Variants in RAP1GDS1 observed in about 807,000 individuals in gnomAD.
RAP1GDS1 encodes RAP1, GTP-GDP dissociation stimulator 1.
In RAP1GDS1, 35 loss-of-function variants were observed where a neutral mutation model predicts 71.1. The observed-to-expected ratio is 0.49, with a 90% CI of 0.38 to 0.65. The LOEUF is 0.65. Among genes scored for constraint, RAP1GDS1 ranks in the 30% least tolerant of loss-of-function variants. The pLI is 0.00. For missense variants in RAP1GDS1, 663 were observed against 706.1 expected, an observed-to-expected ratio of 0.94 and a Z score of 0.69; for synonymous variants, 229 against 243.1, an observed-to-expected ratio of 0.94 and a Z score of 0.54.
intron 5 of RAP1GDS1, among the ~76,000 whole-genome samples, chr4:98,385,021 G>A (rs906925148): frequency 3.3e-5 from 5 of 151,510 alleles, no homozygotes; most frequent in Non-Finnish European, 7.4e-5. Flanking sequence ...TTTGCTTTAT[G>A]TCTGGATTGA....
At chr4:98,349,851 A>G (rs997708258) in intron 3 of RAP1GDS1, among the ~76,000 whole-genome samples, 1 of 151,624 alleles carries the variant, frequency 6.6e-6, no homozygotes. Flanking sequence ...TTTTTTTAAT[A>G]TATCTGCCTG....
At position 98,400,349 on chromosome 4, in the gene RAP1GDS1, T is replaced by TAC. The variant is rs1258406721; in HGVS notation, c.638-4127_638-4126insCA. ...AGAGGTAAAATGTGATGTATATGTA[T>TAC]ATACACACACACACACAATGGAATA... is the stretch of plus-strand genomic sequence containing the variant. On this transcript the variant is annotated intron_variant, in intron 6 of 14. Coordinates refer to ENST00000408927, the MANE Select transcript of RAP1GDS1 (RefSeq NM_001100427.2). Among the ~76,000 whole-genome samples, 11 of 151,968 alleles carry TAC rather than the reference T, an allele frequency of 7.2e-5. No homozygotes were observed. In the East Asian group the frequency reaches 1.2e-3, roughly 16 times the overall value.
At chr4:98,315,271 T>G (rs1730771634) in intron 2 of RAP1GDS1, among the ~76,000 whole-genome samples, 1 of 152,128 alleles carries the variant, frequency 6.6e-6, no homozygotes, top group African/African-American at 2.4e-5. Context: ...TACTGGACAG[T>G]TAGCTCTCTG....
At chr4:98,436,554 A>G (rs186768356) in intron 13 of RAP1GDS1, among the ~76,000 whole-genome samples, 2 of 152,286 alleles carry the variant, frequency 1.3e-5, no homozygotes, top group East Asian at 1.9e-4. Context: ...ATTTGCTCCA[A>G]AATAATTTGA....
chr4:98,431,497 T>C (rs1210135686), intron 12 of RAP1GDS1, among the ~76,000 whole-genome samples: 1 of 152,238 alleles, frequency 6.6e-6, no homozygotes, highest in Admixed American at 6.5e-5. Flanking sequence ...AAAATTTAGC[T>C]TTCTATAAGA....
intron 4 of RAP1GDS1, among the ~76,000 whole-genome samples, chr4:98,356,479 G>T (rs139772288): frequency 1.3e-5 from 2 of 151,980 alleles, no homozygotes; most frequent in African/African-American, 4.8e-5. Flanking sequence ...CTGTTTTGTG[G>T]ATATTACTGC....
At chr4:98,268,669 C>G (rs1723023498) in intron 1 of RAP1GDS1, among the ~76,000 whole-genome samples, 1 of 151,960 alleles carries the variant, frequency 6.6e-6, no homozygotes, top group African/African-American at 2.4e-5. Context: ...TTTCTATACA[C>G]TAACAGCAAA....
In RAP1GDS1 at chr4:98,262,502, T is replaced by C. The variant is rs73832187; in HGVS notation, c.4+933T>C. ...ATCATCTATTGCTTAACTGTTACAT[T>C]CAGTAATCACAGAAACGTCTGATGA... On this transcript the variant is annotated intron_variant, in intron 1 of 14. Transcript: ENST00000408927. Among the ~76,000 whole-genome samples the C allele has an allele frequency of 4.9e-3, 754 of 152,344 alleles. 7 individuals carry two copies. Among genetic ancestry groups the C allele is most frequent in the South Asian group, 0.018 (87 of 4,816 alleles).
At chr4:98,310,521 A>G (rs1730055805) in intron 2 of RAP1GDS1, among the ~76,000 whole-genome samples, 1 of 152,206 alleles carries the variant, frequency 6.6e-6, no homozygotes, top group Non-Finnish European at 1.5e-5. Context: ...TCAGCTTATT[A>G]AAAGTTCAAA....
At chr4:98,383,751 A>T (rs949966122) in intron 5 of RAP1GDS1, among the ~76,000 whole-genome samples, 2 of 151,638 alleles carry the variant, frequency 1.3e-5, no homozygotes, top group Non-Finnish European at 3.0e-5. Context: ...ATGTGTAATT[A>T]ATCTTAGCTG....
At chr4:98,354,707 G>A (rs534576057) in intron 4 of RAP1GDS1, among the ~76,000 whole-genome samples, 9 of 152,038 alleles carry the variant, frequency 5.9e-5, no homozygotes, top group Non-Finnish European at 8.8e-5. Flanking sequence ...TTTAAGTTAT[G>A]AAGTTAATTT....
At chr4:98,298,797 A>T (rs1728161147) in intron 2 of RAP1GDS1, among the ~76,000 whole-genome samples, 1 of 152,140 alleles carries the variant, frequency 6.6e-6, no homozygotes, top group Non-Finnish European at 1.5e-5. Flanking sequence ...GCTGCCATAG[A>T]TAGTGATTTC....
intron 4 of RAP1GDS1, among the ~76,000 whole-genome samples, chr4:98,372,212 G>A (rs1740487287): frequency 6.6e-6 from 1 of 152,042 alleles, no homozygotes; most frequent in Non-Finnish European, 1.5e-5. Context: ...ACCCAGGTTA[G>A]CGTGCTGTGG....
At chr4:98,335,047 T>G (rs1734518779) in intron 2 of RAP1GDS1, among the ~76,000 whole-genome samples, 1 of 152,124 alleles carries the variant, frequency 6.6e-6, no homozygotes, top group Admixed American at 6.5e-5. Flanking sequence ...TTCCTCGATA[T>G]ACTTGGTCCA....
At chr4:98,308,297 CTATATATATATATATATA>C (rs779815305) in intron 2 of RAP1GDS1, among the ~76,000 whole-genome samples, 957 of 73,202 alleles carry the variant, frequency 0.013, 40 homozygotes, top group African/African-American at 0.044. Context: ...CACACACACA[CTATATATATATATATATA>C]TATATATATA....
intron 4 of RAP1GDS1, among the ~76,000 whole-genome samples, chr4:98,375,590 T>C (rs769549571): frequency 5.9e-5 from 9 of 152,200 alleles, no homozygotes; most frequent in Non-Finnish European, 1.0e-4. Context: ...AGATTTTTGA[T>C]ACTTGCTTCC....
chr4:98,306,479 T>C (rs1729344325), intron 2 of RAP1GDS1, among the ~76,000 whole-genome samples: 1 of 152,180 alleles, frequency 6.6e-6, no homozygotes, highest in South Asian at 2.1e-4. Context: ...TACTGTCATA[T>C]TGGGGATTAA....
At chr4:98,369,364 A>T (rs1241321751) in intron 4 of RAP1GDS1, among the ~76,000 whole-genome samples, 1 of 152,150 alleles carries the variant, frequency 6.6e-6, no homozygotes, top group Non-Finnish European at 1.5e-5. Context: ...CACCTATGAT[A>T]TGATCTAGCT....
At chr4:98,373,714 A>G (rs1365002123) in intron 4 of RAP1GDS1, among the ~76,000 whole-genome samples, 3 of 152,190 alleles carry the variant, frequency 2.0e-5, no homozygotes, top group Non-Finnish European at 4.4e-5. Context: ...CTTTTTAAAT[A>G]TATTTTCACA....
Sources: allele counts gnomAD v4.1 joint callset (sites outside exome capture counted in the v4.1 genomes callset), GRCh38; gene constraint gnomAD v4.1.1; transcripts MANE v1.5; gene names NCBI Gene and HGNC (gene_info 2026-07-23, HGNC 2026-07-21).